EIF4G3: variants seen among roughly 807,000 people sequenced by gnomAD.
EIF4G3 encodes eIF-4-gamma 3.
EIF4G3 carries 34 observed loss-of-function variants against 186.4 expected under a neutral mutation model. The observed-to-expected ratio is 0.18, with a 90% confidence interval of 0.14 to 0.24. EIF4G3 has a LOEUF of 0.24. EIF4G3 is among the 10% of genes least tolerant of loss of function. The probability of loss-of-function intolerance (pLI) is 1.00; values close to 1 mark genes in which losing one functional copy is unlikely to be tolerated. For missense variants in EIF4G3, 1,536 were observed against 1,948.5 expected (o/e 0.79, Z 3.99); for synonymous variants, 673 against 679.5 (o/e 0.99, Z 0.15).
At chr1:20,954,516 G>A (rs1349551123) in intron 12 of EIF4G3, among the ~76,000 whole-genome samples, 1 of 115,728 alleles carries the variant, frequency 8.6e-6, no homozygotes, top group Non-Finnish European at 1.7e-5. Flanking sequence ...AGCCTGGCGA[G>A]AGAGTCAGAC....
At position 20,951,014 on chromosome 1, in the gene EIF4G3, C is replaced by T. The variant is rs796102495; in HGVS notation, c.715-903G>A. Among the ~76,000 whole-genome samples the T allele has an allele frequency of 5.3e-5, 8 of 152,054 alleles. 1 individual carries two copies. Among genetic ancestry groups the T allele is most frequent in the African/African-American group, 1.2e-4 (5 of 41,484 alleles). On this transcript the variant is annotated intron_variant, in intron 12 of 36. Coordinates refer to ENST00000602326, the MANE Select transcript of EIF4G3 (RefSeq NM_001391906.1). ...TTTTGGTATCTATAATATCCTACAA[C>T]GAATTCTATCAGTGCTATCAGAGTA...
At chr1:21,094,101 TA>T (rs201017147) in intron 2 of EIF4G3, among the ~76,000 whole-genome samples, 4 of 149,558 alleles carry the variant, frequency 2.7e-5, no homozygotes, top group East Asian at 2.0e-4. Context: ...TAAAGTATAA[TA>T]AAAAAAATTT....
intron 4 of EIF4G3, among the ~76,000 whole-genome samples, chr1:21,030,818 A>T (rs2092672101): frequency 6.6e-6 from 1 of 152,238 alleles, no homozygotes; most frequent in Non-Finnish European, 1.5e-5. Flanking sequence ...GACAGTGCAG[A>T]TCTAGACTGT....
chr1:20,934,120 C>T (rs1449361505), intron 14 of EIF4G3, among the ~76,000 whole-genome samples: 1 of 151,996 alleles, frequency 6.6e-6, no homozygotes, highest in Non-Finnish European at 1.5e-5. Flanking sequence ...TACACTCGAC[C>T]TAACTTAAAA....
At chr1:21,118,931 TAAAAAAAAAAAA>T (rs35040627) in intron 2 of EIF4G3, among the ~76,000 whole-genome samples, 10 of 86,170 alleles carry the variant, frequency 1.2e-4, no homozygotes, top group East Asian at 6.7e-4. Flanking sequence ...CAAGCTCTAT[TAAAAAAAAAAAA>T]AAAAAAAAAA....
intron 24 of EIF4G3, 90 bp downstream of exon 24, chr1:20,860,295 C>G (rs2076047092): frequency 6.5e-7 from 1 of 1,548,190 alleles, no homozygotes; most frequent in Admixed American, 1.8e-5. Context: ...GCTGTTCTTT[C>G]TGATCTCATT....
chr1:20,839,695 C>G (rs1282934843), intron 30 of EIF4G3, among the ~76,000 whole-genome samples: 1 of 151,120 alleles, frequency 6.6e-6, no homozygotes, highest in African/African-American at 2.4e-5. Flanking sequence ...GGCATGTTGG[C>G]CGTGGCTGGT....
intron 12 of EIF4G3, among the ~76,000 whole-genome samples, chr1:20,963,032 G>A (rs753490835): frequency 1.3e-4 from 20 of 151,240 alleles, no homozygotes; most frequent in Non-Finnish European, 2.2e-4. Flanking sequence ...GATTACAGGC[G>A]TGCACCACCA....
At position 21,176,890 on chromosome 1, in the gene EIF4G3, G is replaced by A. The variant is rs1340764549; in HGVS notation, c.-624C>T. ...TGTGGCCGCCTCCAGCAGTCCGGCAGGACGGCTGCTCGGAAAACTTCGGAC... is the reference window on the plus strand; with the variant it reads ...TGTGGCCGCCTCCAGCAGTCCGGCAAGACGGCTGCTCGGAAAACTTCGGAC... On this transcript the variant is annotated 5_prime_UTR_variant, in exon 1 of 37. Coordinates refer to ENST00000602326, the MANE Select transcript of EIF4G3 (RefSeq NM_001391906.1). 2.9e-6 allele frequency: 2 copies of A among 691,672 alleles called. No homozygotes were observed. Among genetic ancestry groups the A allele is most frequent in the East Asian group, 2.8e-5 (1 of 35,952 alleles). 42.8% of individuals were successfully genotyped at this position (691,672 alleles called of 1,614,324 possible).
chr1:20,979,941 G>A lies in EIF4G3; in HGVS notation c.493+393C>T, dbSNP rs182182566. ...AATTTTTTGTATTTTTAGTAGAGAC[G>A]GGGTTTCACCATGTTAGCCTGGATG... On this transcript the variant is annotated intron_variant, in intron 10 of 36. Coordinates refer to ENST00000602326, the MANE Select transcript of EIF4G3 (RefSeq NM_001391906.1). Among the ~76,000 whole-genome samples, 6 of 152,026 alleles carry A rather than the reference G, an allele frequency of 3.9e-5. No homozygotes were observed. In the East Asian group the frequency reaches 7.8e-4, roughly 20 times the overall value.
At chr1:20,863,446 CTT>C (rs66717219) in intron 22 of EIF4G3, among the ~76,000 whole-genome samples, 2 of 113,138 alleles carry the variant, frequency 1.8e-5, no homozygotes, top group African/African-American at 6.8e-5. Flanking sequence ...TTTTTTTTTC[CTT>C]TTTTTTTTTT....
intron 3 of EIF4G3, among the ~76,000 whole-genome samples, chr1:21,071,509 C>T (rs1572076128): frequency 6.6e-6 from 1 of 152,180 alleles, no homozygotes; most frequent in South Asian, 2.1e-4. Context: ...ACTGTATCCA[C>T]TACTACCATC....
chr1:21,147,394 G>A (rs2097463437), intron 2 of EIF4G3, among the ~76,000 whole-genome samples: 1 of 151,766 alleles, frequency 6.6e-6, no homozygotes, highest in African/African-American at 2.4e-5. Context: ...GGGCTGGAGT[G>A]CAATCGCGTG....
intron 2 of EIF4G3, among the ~76,000 whole-genome samples, chr1:21,118,528 T>C (rs2096868381): frequency 6.6e-6 from 1 of 152,136 alleles, no homozygotes; most frequent in South Asian, 2.1e-4. Context: ...GGTCCACACC[T>C]GTAAACCCAA....
intron 29 of EIF4G3, 79 bp downstream of exon 29, chr1:20,849,336 C>T: frequency 1.4e-6 from 1 of 697,426 alleles, no homozygotes; most frequent in Non-Finnish European, 2.3e-6. Context: ...ACAATGACAC[C>T]TGATTTAGAC....
At chr1:20,811,559 G>A (rs2059250386) in intron 35 of EIF4G3, among the ~76,000 whole-genome samples, 1 of 152,150 alleles carries the variant, frequency 6.6e-6, no homozygotes, top group Admixed American at 6.5e-5. Context: ...AACTATGGAG[G>A]GGATGCATTT....
At chr1:21,053,023 C>T (rs1240734314) in intron 3 of EIF4G3, among the ~76,000 whole-genome samples, 5 of 151,254 alleles carry the variant, frequency 3.3e-5, no homozygotes, top group Non-Finnish European at 5.9e-5. Flanking sequence ...AAGTGAGGAG[C>T]GTCTCTGCCT....
intron 3 of EIF4G3, among the ~76,000 whole-genome samples, chr1:21,058,313 T>C (rs2094669434): frequency 1.3e-5 from 2 of 152,150 alleles, no homozygotes; most frequent in Admixed American, 6.5e-5. Flanking sequence ...TGTAGTCAAG[T>C]ACTGGCATGC....
At chr1:21,103,092 T>C (rs1474266091) in intron 2 of EIF4G3, among the ~76,000 whole-genome samples, 3 of 152,220 alleles carry the variant, frequency 2.0e-5, no homozygotes, top group Non-Finnish European at 4.4e-5. Flanking sequence ...CATAGTACAA[T>C]GTCTCACTAA....
Sources: allele counts gnomAD v4.1 joint callset (sites outside exome capture counted in the v4.1 genomes callset), GRCh38; gene constraint gnomAD v4.1.1; transcripts MANE v1.5; gene names NCBI Gene and HGNC (gene_info 2026-07-23, HGNC 2026-07-21).